CDH13: variants seen among roughly 807,000 people sequenced by gnomAD.
CDH13 encodes cadherin 13.
Under a neutral mutation model 63.8 loss-of-function variants are expected in CDH13, and 24 were observed. The observed-to-expected ratio is 0.38, with a 90% CI of 0.27 to 0.53. The LOEUF (loss-of-function observed/expected upper bound fraction) is 0.53. Ranked by LOEUF, CDH13 falls within the 20% of genes least tolerant of loss-of-function variation. The pLI is 0.85. For missense variants in CDH13, 1,049 were observed against 903.1 expected (o/e 1.16, Z -2.07); for synonymous variants, 503 against 355.3 (o/e 1.42, Z -4.67).
At chr16:83,599,437 A>G (rs1016402983) in intron 7 of CDH13, among the ~76,000 whole-genome samples, 3 of 152,226 alleles carry the variant, frequency 2.0e-5, no homozygotes, top group African/African-American at 7.2e-5. Flanking sequence ...AAATATGAAT[A>G]AAAAGCCTGA....
At chr16:83,306,284 G>A (rs1175452221) in intron 5 of CDH13, among the ~76,000 whole-genome samples, 1 of 152,212 alleles carries the variant, frequency 6.6e-6, no homozygotes. Flanking sequence ...CAAGGCTTAT[G>A]TAGAAATTGG....
intron 8 of CDH13, among the ~76,000 whole-genome samples, chr16:83,616,076 C>T (rs948539291): frequency 2.6e-5 from 4 of 152,032 alleles, no homozygotes; most frequent in African/African-American, 9.7e-5. Context: ...ATATAAGCAA[C>T]GATCTACAAA....
chr16:82,970,373 G>C (rs1490633328), intron 2 of CDH13, among the ~76,000 whole-genome samples: 3 of 142,702 alleles, frequency 2.1e-5, no homozygotes, highest in Admixed American at 7.0e-5. Context: ...ATTGTGAACA[G>C]TGCATATTCT....
chr16:83,423,334 A>G (rs1012674394), intron 6 of CDH13, among the ~76,000 whole-genome samples: 2 of 152,184 alleles, frequency 1.3e-5, no homozygotes, highest in African/African-American at 4.8e-5. Context: ...CTTCTTCAGA[A>G]AATTCAAAGA....
At chr16:82,667,313 G>T (rs1244871231) in intron 1 of CDH13, among the ~76,000 whole-genome samples, 1 of 152,216 alleles carries the variant, frequency 6.6e-6, no homozygotes, top group Non-Finnish European at 1.5e-5. Context: ...ATTGAGGCAG[G>T]TAAGGAGGGG....
In CDH13 at chr16:83,217,078, A is replaced by G. The variant is rs74754564; in HGVS notation, c.484-267A>G. Among the ~76,000 whole-genome samples, 41 of 152,312 alleles carry G rather than the reference A, an allele frequency of 2.7e-4. No individual in the cohort carries two copies. In the South Asian group the frequency reaches 7.0e-3, roughly 26 times the overall value. On this transcript the variant is annotated intron_variant, in intron 4 of 13. Coordinates refer to ENST00000567109, the MANE Select transcript of CDH13 (RefSeq NM_001257.5). ...AATGTCCAACTTTGACTGAACTGGC[A>G]TTATTGCCCTCCTTGATCCATCACT...
chr16:83,443,318 G>A (rs542274832), intron 6 of CDH13, among the ~76,000 whole-genome samples: 8 of 152,242 alleles, frequency 5.3e-5, no homozygotes, highest in Admixed American at 3.9e-4. Context: ...CAGGTGTTCA[G>A]GTATGAGTGA....
chr16:83,337,273 G>C (rs951076027), intron 5 of CDH13, among the ~76,000 whole-genome samples: 4 of 152,172 alleles, frequency 2.6e-5, no homozygotes, highest in African/African-American at 9.7e-5. Context: ...GAACCCAGGT[G>C]CTGGGATGCC....
At chr16:82,807,630 A>G (rs74029053) in intron 1 of CDH13, among the ~76,000 whole-genome samples, 5,742 of 152,250 alleles carry the variant, frequency 0.038, 395 homozygotes, top group African/African-American at 0.13. Context: ...AAAATGCCTC[A>G]TTGTGGGTTC....
intron 6 of CDH13, among the ~76,000 whole-genome samples, chr16:83,407,651 G>A (rs546875500): frequency 2.1e-4 from 32 of 152,310 alleles, no homozygotes; most frequent in African/African-American, 7.7e-4. Context: ...TTTCAGGGGA[G>A]TTTTATTTAA....
chr16:83,604,729 CA>C (rs1908167867), intron 8 of CDH13, among the ~76,000 whole-genome samples: 1 of 152,072 alleles, frequency 6.6e-6, no homozygotes, highest in Admixed American at 6.5e-5. Flanking sequence ...ACTCAGAGCA[CA>C]TTGTAATATT....
intron 3 of CDH13, among the ~76,000 whole-genome samples, chr16:83,033,789 A>G (rs1489762001): frequency 6.6e-6 from 1 of 152,204 alleles, no homozygotes; most frequent in Non-Finnish European, 1.5e-5. Context: ...TTCGTGAGAA[A>G]AGGAGGGCAA....
chr16:83,005,882 A>T (rs1273462487), intron 2 of CDH13, among the ~76,000 whole-genome samples: 1 of 152,262 alleles, frequency 6.6e-6, no homozygotes, highest in Non-Finnish European at 1.5e-5. Context: ...TTCACTGATA[A>T]TGAGTAAATC....
chr16:83,759,378 A>G (rs560162073), intron 11 of CDH13, among the ~76,000 whole-genome samples: 6 of 152,188 alleles, frequency 3.9e-5, no homozygotes, highest in Non-Finnish European at 7.4e-5. Context: ...CTCTTAAACC[A>G]TATACAATAA....
intron 3 of CDH13, among the ~76,000 whole-genome samples, chr16:83,123,400 C>G (rs1048517981): frequency 1.3e-5 from 2 of 152,070 alleles, no homozygotes; most frequent in South Asian, 2.1e-4. Flanking sequence ...CTGCCTCAGC[C>G]TCATGAATAG....
chr16:82,742,359 A>G (rs1313868101), intron 1 of CDH13, among the ~76,000 whole-genome samples: 1 of 152,130 alleles, frequency 6.6e-6, no homozygotes, highest in Non-Finnish European at 1.5e-5. Context: ...TCTACAATGA[A>G]CATACATAGC....
chr16:82,865,594 C>G (rs1597841325), intron 2 of CDH13, among the ~76,000 whole-genome samples: 1 of 152,212 alleles, frequency 6.6e-6, no homozygotes, highest in Admixed American at 6.5e-5. Context: ...CACAAAGCAG[C>G]AAGGCCCTGG....
At position 83,472,248 on chromosome 16, in the gene CDH13, T is replaced by C. The variant is rs557845658; in HGVS notation, c.782-14229T>C. On this transcript the variant is annotated intron_variant, in intron 6 of 13. Transcript: ENST00000567109. ...GAGCTGGGACTGAAACTGGGGACTC[T>C]GTCTCCTGTGGGCATGCTGCTAACC... Among the ~76,000 whole-genome samples the C allele has an allele frequency of 1.3e-3, 204 of 151,808 alleles. 3 individuals carry two copies. The South Asian group carries it at 0.04, about 30-fold the overall frequency.
intron 2 of CDH13, among the ~76,000 whole-genome samples, chr16:82,897,459 C>G (rs1233122507): frequency 6.6e-6 from 1 of 152,226 alleles, no homozygotes; most frequent in Non-Finnish European, 1.5e-5. Flanking sequence ...TTTTCTGCCT[C>G]ACTTTTGGCT....
Sources: gnomAD v4.1 joint callset for allele counts (sites outside exome capture counted in the v4.1 genomes callset) on GRCh38, gnomAD v4.1.1 for gene constraint, MANE v1.5 for transcripts, NCBI Gene and HGNC (gene_info 2026-07-23, HGNC 2026-07-21) for gene names.